The following ANKRD44 variants were observed in gnomAD, a reference collection of about 807,000 sequenced individuals.
The protein encoded by ANKRD44 is serine/threonine-protein phosphatase 6 regulatory ankyrin repeat subunit B.
A neutral mutation model predicts 116.0 loss-of-function variants in ANKRD44; 35 were observed. The ratio of observed to expected loss-of-function variants is 0.30; its 90% CI spans 0.23 to 0.40. The LOEUF is 0.40. Ranked by LOEUF, ANKRD44 falls within the 10% of genes least tolerant of loss-of-function variation. The pLI, the probability that ANKRD44 is intolerant of heterozygous loss-of-function variation, is 1.00. For missense variants in ANKRD44, 1,014 were observed against 1,242.6 expected (o/e 0.82, Z 2.77); for synonymous variants, 435 against 461.8 (o/e 0.94, Z 0.74).
rs927873641 is a variant in ANKRD44 at position 197,032,441 on chromosome 2, T to G, written c.1651-7174A>C. On this transcript the variant is annotated intron_variant, in intron 16 of 27. Coordinates refer to ENST00000282272, the MANE Select transcript of ANKRD44 (RefSeq NM_001195144.2). ...TCTCGCTCTGTTGCCCAGGCTGGAG[T>G]GCAGTGGTGCAATCTCAGCTCACTG... 8.1e-5 allele frequency among the ~76,000 whole-genome samples: 12 copies of G among 148,074 alleles called. No individual in the cohort carries two copies. In the South Asian group the frequency reaches 2.4e-3, roughly 29 times the overall value.
chr2:197,159,671 A>C (rs2079909570), intron 2 of ANKRD44, among the ~76,000 whole-genome samples: 1 of 152,216 alleles, frequency 6.6e-6, no homozygotes, highest in African/African-American at 2.4e-5. Flanking sequence ...ACATGGCAAA[A>C]TTGTAATTTG....
At chr2:197,065,787 G>A (rs2077419565) in intron 16 of ANKRD44, among the ~76,000 whole-genome samples, 1 of 151,944 alleles carries the variant, frequency 6.6e-6, no homozygotes, top group Admixed American at 6.6e-5. Context: ...TGAAATCAAG[G>A]CAACAATTAA....
chr2:196,980,025 T>C (rs11887165), intron 21 of ANKRD44, among the ~76,000 whole-genome samples: 5,187 of 152,280 alleles, frequency 0.034, 290 homozygotes, highest in African/African-American at 0.12. Context: ...AATATGTTCT[T>C]ATCTCTAGGA....
At chr2:197,090,347 T>C (rs1212550728) in intron 10 of ANKRD44, among the ~76,000 whole-genome samples, 1 of 152,218 alleles carries the variant, frequency 6.6e-6, no homozygotes. Context: ...TTCTTTCAGC[T>C]TGGTGATTGT....
intron 16 of ANKRD44, among the ~76,000 whole-genome samples, chr2:197,063,412 G>A (rs1337691997): frequency 1.1e-4 from 16 of 152,180 alleles, no homozygotes; most frequent in Non-Finnish European, 1.9e-4. Flanking sequence ...CCCTCCAAAG[G>A]AACGCAGCTC....
chr2:197,232,375 A>T (rs2081885425), intron 1 of ANKRD44, among the ~76,000 whole-genome samples: 1 of 152,206 alleles, frequency 6.6e-6, no homozygotes, highest in Admixed American at 6.5e-5. Flanking sequence ...AGGTCTGTCC[A>T]TTCAAGAGAA....
chr2:197,042,019 AC>A lies in ANKRD44; in HGVS notation c.1651-16753del, dbSNP rs529601462. ...TAATGGGTACATTAATGAAAAAAAA[AC>A]ATAAGAAAAATATGTTTTAGATTTT... On this transcript the variant is annotated intron_variant, in intron 16 of 27. Coordinates refer to ENST00000282272, the MANE Select transcript of ANKRD44 (RefSeq NM_001195144.2). Among the ~76,000 whole-genome samples, 113 of 152,320 alleles carry A rather than the reference AC, an allele frequency of 7.4e-4. 1 individual carries two copies. Among genetic ancestry groups the A allele is most frequent in the South Asian group, 3.3e-3 (16 of 4,824 alleles).
intron 2 of ANKRD44, among the ~76,000 whole-genome samples, chr2:197,184,865 G>A (rs1165474652): frequency 6.6e-6 from 1 of 152,110 alleles, no homozygotes; most frequent in Non-Finnish European, 1.5e-5. Flanking sequence ...TGTAACAGTA[G>A]TTAACCTATC....
chr2:197,039,672 TGTGTGTGC>T (rs763997494), intron 16 of ANKRD44, among the ~76,000 whole-genome samples: 596 of 88,358 alleles, frequency 6.7e-3, no homozygotes, highest in South Asian at 0.015. Context: ...GGTGATTGTG[TGTGTGTGC>T]GTGTGTGTGT....
chr2:197,172,333 G>A (rs1244614384), intron 2 of ANKRD44, among the ~76,000 whole-genome samples: 1 of 151,964 alleles, frequency 6.6e-6, no homozygotes, highest in Non-Finnish European at 1.5e-5. Flanking sequence ...TGAAGAAAGT[G>A]GTTGATAAAG....
chr2:197,112,648 C>T (rs909967197), intron 8 of ANKRD44, among the ~76,000 whole-genome samples: 2 of 143,278 alleles, frequency 1.4e-5, no homozygotes, highest in South Asian at 4.3e-4. Context: ...GCGGAGTTTG[C>T]AGTGAGCCGA....
intron 4 of ANKRD44, among the ~76,000 whole-genome samples, chr2:197,131,140 A>C (rs1163524551): frequency 6.6e-6 from 1 of 152,242 alleles, no homozygotes; most frequent in Non-Finnish European, 1.5e-5. Flanking sequence ...AGAGGTTAAA[A>C]GAGAATAATA....
intron 1 of ANKRD44, among the ~76,000 whole-genome samples, chr2:197,210,415 G>A (rs751642924): frequency 6.6e-6 from 1 of 152,184 alleles, no homozygotes; most frequent in Non-Finnish European, 1.5e-5. Context: ...TAACCTGACT[G>A]ATGTTATAAA....
intron 17 of ANKRD44, among the ~76,000 whole-genome samples, chr2:197,019,589 C>T (rs2076456567): frequency 6.6e-6 from 1 of 152,186 alleles, no homozygotes; most frequent in Admixed American, 6.5e-5. Flanking sequence ...GTGGACCAGG[C>T]TGACTCCCAG....
At chr2:197,106,593 T>C (rs1362522439) in intron 9 of ANKRD44, among the ~76,000 whole-genome samples, 1 of 151,902 alleles carries the variant, frequency 6.6e-6, no homozygotes, top group Admixed American at 6.6e-5. Context: ...ATTGAGACCA[T>C]CCTGGCTAAC....
At chr2:197,067,625 G>C (rs1343914522) in intron 16 of ANKRD44, among the ~76,000 whole-genome samples, 1 of 128,752 alleles carries the variant, frequency 7.8e-6, no homozygotes, top group African/African-American at 3.0e-5. Context: ...CATCATCACT[G>C]GCCATCAGAG....
intron 13 of ANKRD44, 91 bp from the exon 14 acceptor site, chr2:197,083,600 T>C (rs936882597): frequency 6.9e-7 from 1 of 1,438,874 alleles, no homozygotes; most frequent in African/African-American, 1.4e-5. Flanking sequence ...GCCTAGGGCA[T>C]GGAAAGCTCT....
At chr2:197,008,576 A>G (rs1052703568) in intron 19 of ANKRD44, among the ~76,000 whole-genome samples, 2 of 152,244 alleles carry the variant, frequency 1.3e-5, no homozygotes, top group Non-Finnish European at 2.9e-5. Flanking sequence ...TTTTAATAAT[A>G]GAGATAACCT....
intron 21 of ANKRD44, among the ~76,000 whole-genome samples, chr2:196,979,101 A>C (rs1281891895): frequency 6.6e-6 from 1 of 152,116 alleles, no homozygotes; most frequent in African/African-American, 2.4e-5. Flanking sequence ...GTAAGAATGA[A>C]TAGCATCTGC....
Sources: gnomAD v4.1 joint callset for allele counts (sites outside exome capture counted in the v4.1 genomes callset) on GRCh38, gnomAD v4.1.1 for gene constraint, MANE v1.5 for transcripts, NCBI Gene and HGNC (gene_info 2026-07-23, HGNC 2026-07-21) for gene names.